The following ERBB4 variants were observed in gnomAD, a reference collection of about 807,000 sequenced individuals.
ERBB4 encodes the protein erb-b2 receptor tyrosine kinase 4, also known as receptor tyrosine-protein kinase erbB-4.
Under a neutral mutation model 158.0 loss-of-function variants are expected in ERBB4, and 42 were observed. The ratio of observed to expected loss-of-function variants is 0.27; its 90% CI spans 0.21 to 0.34. The LOEUF is 0.34. ERBB4 is among the 10% of genes least tolerant of loss of function. The pLI, the probability that ERBB4 is intolerant of heterozygous loss-of-function variation, is 1.00. For missense variants in ERBB4, 1,333 were observed against 1,624.1 expected (o/e 0.82, Z 3.08); for synonymous variants, 583 against 558.7 (o/e 1.04, Z -0.61).
At chr2:211,522,747 G>A (rs543086690) in intron 20 of ERBB4, among the ~76,000 whole-genome samples, 81 of 152,168 alleles carry the variant, frequency 5.3e-4, no homozygotes, top group South Asian at 1.5e-3. Flanking sequence ...AGGCTTAGAC[G>A]ATCATTCTCT....
intron 3 of ERBB4, among the ~76,000 whole-genome samples, chr2:211,851,621 C>T (rs1478058288): frequency 1.3e-5 from 2 of 151,746 alleles, no homozygotes; most frequent in Admixed American, 1.3e-4. Flanking sequence ...TAACCTTGTG[C>T]ATCATCAAAA....
Position 211,792,835 on chromosome 2 carries a change from A to T in ERBB4, c.422-4676T>A, listed in dbSNP as rs146455428. Reference sequence around the variant, plus strand: ...TTTTCATGAGTCTAATAAATAAGGAAATGTTTGTGTTATTTAAATAACTTC... The same window carrying T: ...TTTTCATGAGTCTAATAAATAAGGATATGTTTGTGTTATTTAAATAACTTC... On this transcript the variant is annotated intron_variant, in intron 3 of 27. Transcript: ENST00000342788. Among the ~76,000 whole-genome samples the T allele has an allele frequency of 1.5e-4, 23 of 152,014 alleles. No homozygotes were observed. The East Asian group carries it at 3.9e-3, about 25-fold the overall frequency.
chr2:211,665,599 G>C (rs934920940), intron 14 of ERBB4, 122 bp from the exon 15 acceptor site: 6 of 914,924 alleles, frequency 6.6e-6, no homozygotes, highest in Non-Finnish European at 8.7e-6. Flanking sequence ...AAGAGAATTG[G>C]AGAACATTTT....
chr2:211,520,407 G>A (rs1333808798), intron 20 of ERBB4, among the ~76,000 whole-genome samples: 1 of 152,080 alleles, frequency 6.6e-6, no homozygotes, highest in Non-Finnish European at 1.5e-5. Context: ...TAAAACATGG[G>A]TTGGCAAAAT....
intron 12 of ERBB4, 77 bp downstream of exon 12, chr2:211,701,890 T>C: frequency 9.0e-7 from 1 of 1,112,086 alleles, no homozygotes; most frequent in Non-Finnish European, 1.4e-6. Context: ...CGGATGTTAT[T>C]TTTAATTGTT....
At chr2:212,329,557 T>C (rs745969971) in intron 1 of ERBB4, among the ~76,000 whole-genome samples, 10 of 152,068 alleles carry the variant, frequency 6.6e-5, no homozygotes, top group Non-Finnish European at 1.3e-4. Context: ...TTCTCCACCC[T>C]GGCTATATGA....
chr2:212,496,570 A>T (rs1039672101), intron 1 of ERBB4, among the ~76,000 whole-genome samples: 2 of 152,196 alleles, frequency 1.3e-5, no homozygotes, highest in Non-Finnish European at 2.9e-5. Flanking sequence ...TTCCTAACAC[A>T]CATATTATAA....
At chr2:211,655,441 T>C (rs1476827783) in intron 16 of ERBB4, among the ~76,000 whole-genome samples, 2 of 152,182 alleles carry the variant, frequency 1.3e-5, no homozygotes, top group African/African-American at 4.8e-5. Context: ...TATATTAGTA[T>C]TCCCATTTTA....
At chr2:212,091,764 T>A (rs10176524) in intron 2 of ERBB4, among the ~76,000 whole-genome samples, 123,522 of 152,172 alleles carry the variant, frequency 0.81, 53,166 homozygotes, top group East Asian at 1. Context: ...AGTGATTTTT[T>A]AAAATTATTT....
chr2:212,110,511 CT>C (rs1376780722), intron 2 of ERBB4, among the ~76,000 whole-genome samples: 2 of 152,220 alleles, frequency 1.3e-5, no homozygotes, highest in Admixed American at 1.3e-4. Flanking sequence ...AAAGCAGTCA[CT>C]GCTGCTACCG....
rs1032811930 is a variant in ERBB4 at position 211,734,240 on chromosome 2, C to CTTG, written c.623-9049_623-9047dup. ...GAAAATTAAAACTGAAATAAACTTACTTGTTTATGAGCAAATCTAAAGTAA... is the reference window on the plus strand; with the variant it reads ...GAAAATTAAAACTGAAATAAACTTACTTGTTGTTTATGAGCAAATCTAAAGTAA... On this transcript the variant is annotated intron_variant, in intron 5 of 27. Transcript: ENST00000342788. 7.2e-5 allele frequency among the ~76,000 whole-genome samples: 11 copies of CTTG among 152,188 alleles called. No homozygotes were observed. The East Asian group carries it at 2.1e-3, about 29-fold the overall frequency.
At chr2:212,120,340 C>T (rs1256289632) in intron 2 of ERBB4, among the ~76,000 whole-genome samples, 2 of 152,106 alleles carry the variant, frequency 1.3e-5, no homozygotes, top group African/African-American at 2.4e-5. Flanking sequence ...GTCTTATTCC[C>T]ACATACCTGG....
intron 1 of ERBB4, among the ~76,000 whole-genome samples, chr2:212,174,656 G>T (rs1376398637): frequency 1.3e-5 from 2 of 151,774 alleles, no homozygotes; most frequent in African/African-American, 4.8e-5. Flanking sequence ...CTTTACACAG[G>T]GACTTATTGT....
chr2:212,057,059 G>A (rs1198595004), intron 2 of ERBB4, among the ~76,000 whole-genome samples: 3 of 152,094 alleles, frequency 2.0e-5, no homozygotes, highest in African/African-American at 7.2e-5. Context: ...ACACACATAG[G>A]CTCAAAATAA....
chr2:211,710,994 C>A (rs1431120804), intron 9 of ERBB4, among the ~76,000 whole-genome samples: 1 of 150,028 alleles, frequency 6.7e-6, no homozygotes, highest in Non-Finnish European at 1.5e-5. Flanking sequence ...TATGGGCCGA[C>A]AATGACCAAG....
chr2:212,438,868 C>A (rs896633492), intron 1 of ERBB4, among the ~76,000 whole-genome samples: 1 of 151,976 alleles, frequency 6.6e-6, no homozygotes, highest in African/African-American at 2.4e-5. Context: ...ATGATACTGG[C>A]TCAAAGACAG....
chr2:212,160,037 G>A (rs984761628), intron 1 of ERBB4, among the ~76,000 whole-genome samples: 8 of 152,046 alleles, frequency 5.3e-5, no homozygotes, highest in Middle Eastern at 3.4e-3. Flanking sequence ...GCCCAAATGC[G>A]TTGTCTTCAA....
At chr2:211,923,203 C>T (rs1414095454) in intron 3 of ERBB4, among the ~76,000 whole-genome samples, 1 of 152,004 alleles carries the variant, frequency 6.6e-6, no homozygotes, top group Non-Finnish European at 1.5e-5. Context: ...ACTTTTAAAA[C>T]ATCTGGGAAG....
At chr2:212,268,028 A>C (rs2085212028) in intron 1 of ERBB4, among the ~76,000 whole-genome samples, 1 of 151,884 alleles carries the variant, frequency 6.6e-6, no homozygotes, top group African/African-American at 2.4e-5. Flanking sequence ...TCTTTTTAGC[A>C]GAGAAGACTT....
Sources: gnomAD v4.1 joint callset for allele counts (sites outside exome capture counted in the v4.1 genomes callset) on GRCh38, gnomAD v4.1.1 for gene constraint, MANE v1.5 for transcripts, NCBI Gene and HGNC (gene_info 2026-07-23, HGNC 2026-07-21) for gene names.